Variants in SQSTM1 observed in about 807,000 individuals in gnomAD.
SQSTM1 encodes the protein sequestosome 1.
SQSTM1 carries 36 observed loss-of-function variants against 45.1 expected under a neutral mutation model. The observed-to-expected ratio is 0.80, with a 90% CI of 0.61 to 1.05. The LOEUF (loss-of-function observed/expected upper bound fraction) is 1.05. Among genes scored for constraint, SQSTM1 ranks in the 50% least tolerant of loss-of-function variants. SQSTM1 has a pLI of 0.00. For synonymous variants in SQSTM1, 290 were observed against 244.3 expected, an observed-to-expected ratio of 1.19 and a Z score of -1.74; for missense variants, 617 against 607.1, an observed-to-expected ratio of 1.02 and a Z score of -0.17.
At chr5:179,822,613 C>T (rs572311568) in intron 1 of SQSTM1, 37 of 362,886 alleles carry the variant, frequency 1.0e-4, no homozygotes, top group African/African-American at 5.5e-4. Context: ...CAGTTGAAGA[C>T]GGACATGGGC....
Position 179,836,439 on chromosome 5 carries a change from C to G in SQSTM1, c.1169C>G (p.Ala390Gly). The change falls in exon 8 of 8, where the codon GCT becomes GGT. Residue 390 changes from alanine to glycine, a missense_variant. By Grantham distance (60) the Ala-to-Gly change is moderately conservative (BLOSUM62 0). Coordinates refer to ENST00000389805, the MANE Select transcript of SQSTM1 (RefSeq NM_003900.5). ...AALYPHLPPE[A>G]DPRLIESLSQ... is the part of the protein sequence containing the mutation. Reference sequence around the variant, plus strand: ...GGCTTCCTTACTGTTTCGGCAGAGGCTGACCCGCGGCTGATTGAGTCCCTC... The same window carrying G: ...GGCTTCCTTACTGTTTCGGCAGAGGGTGACCCGCGGCTGATTGAGTCCCTC... 1.9e-6 allele frequency: 3 copies of G among 1,614,188 alleles called. No individual in the cohort carries two copies. The highest frequency in any genetic ancestry group is 1.7e-6 in the Non-Finnish European group (2 of 1,180,022).
chr5:179,820,796 C>T, upstream of SQSTM1: 1 of 807,780 alleles, frequency 1.2e-6, no homozygotes, highest in Non-Finnish European at 1.8e-6. Flanking sequence ...GGCTCTCGCG[C>T]CGCGACGACG....
At chr5:179,821,869 A>G (rs1757795602) in intron 1 of SQSTM1, among the ~76,000 whole-genome samples, 1 of 152,054 alleles carries the variant, frequency 6.6e-6, no homozygotes. Context: ...GAGGTGGCCA[A>G]GGCCGGCCCC....
Position 179,837,992 on chromosome 5 carries a change from T to C in SQSTM1, c.*1399T>C. On this transcript the variant is annotated 3_prime_UTR_variant, in exon 8 of 8. Coordinates refer to ENST00000389805, the MANE Select transcript of SQSTM1 (RefSeq NM_003900.5). ...GGCTGGGCCTCTGGTTCTGACACTT[T>C]CTGCTGGAAGCTGTCAGGCTGGGAC... 9.3e-7 allele frequency: 1 copy of C among 1,079,504 alleles called. No homozygotes were observed. Among genetic ancestry groups the C allele is most frequent in the East Asian group, 2.4e-5 (1 of 40,832 alleles). The allele number at this position is 1,079,504 out of a possible 1,614,324, so 66.9% of individuals were successfully genotyped here.
chr5:179,810,425 TC>T (rs1361236936), intron 1 of SQSTM1, among the ~76,000 whole-genome samples: 1 of 152,220 alleles, frequency 6.6e-6, no homozygotes, highest in Non-Finnish European at 1.5e-5. Flanking sequence ...TTCATCCGTG[TC>T]CCTACAAAGG....
rs74523483 is a variant in SQSTM1 at position 179,820,912 on chromosome 5, G to A, written c.-25G>A. 3,375 of 1,498,294 alleles carry A rather than the reference G, an allele frequency of 2.3e-3. 77 individuals carry two copies. In the African/African-American group the frequency reaches 0.044, roughly 19 times the overall value. 92.8% of individuals were successfully genotyped at this position (1,498,294 alleles called of 1,614,324 possible). A position where few individuals can be genotyped will look rare whatever the true frequency, so the allele number is the denominator to read the frequency against. ...GCGGCGGCTGCGACCGGGACGGCCC[G>A]TTTTCCGCCAGCTCGCCGCTCGCTA... On this transcript the variant is annotated 5_prime_UTR_variant, in exon 1 of 8. Transcript: ENST00000389805.
Position 179,821,383 on chromosome 5 carries a change from G to T in SQSTM1, c.205+242G>T, listed in dbSNP as rs1757770077. ...TCAGCGTCGGCCCCCTGGGGCGGTG[G>T]AGCCCTGCCGGCCGGGGGCTCGAGC... On this transcript the variant is annotated intron_variant, in intron 1 of 7. Transcript: ENST00000389805. Among the ~76,000 whole-genome samples, 5 of 152,228 alleles carry T rather than the reference G, an allele frequency of 3.3e-5. No individual in the cohort carries two copies. In the South Asian group the frequency reaches 1.0e-3, roughly 32 times the overall value.
In SQSTM1 at chr5:179,823,800, C is replaced by T. The variant is rs114761223; in HGVS notation, c.302-58C>T. The T allele has an allele frequency of 3.3e-3, 5,139 of 1,574,312 alleles. 177 individuals are homozygous for T. In the African/African-American group the frequency reaches 0.063, roughly 19 times the overall value. On this transcript the variant is annotated intron_variant, in intron 2 of 7. Transcript: ENST00000389805. Reference sequence around the variant, plus strand: ...GGCAGTGACAGCCCCACAGTGACGACAGAGGGGGAGGACTTTAGGGGGTCC... The same window carrying T: ...GGCAGTGACAGCCCCACAGTGACGATAGAGGGGGAGGACTTTAGGGGGTCC...
chr5:179,836,434 A>G lies in SQSTM1; in HGVS notation c.1166-2A>G. 2.5e-6 allele frequency: 4 copies of G among 1,614,202 alleles called. No homozygotes were observed. Among genetic ancestry groups the G allele is most frequent in the Non-Finnish European group, 3.4e-6 (4 of 1,180,038 alleles). ...CTCATGGCTTCCTTACTGTTTCGGC[A>G]GAGGCTGACCCGCGGCTGATTGAGT... On this transcript the variant is annotated splice_acceptor_variant, in intron 7 of 7. Transcript: ENST00000389805. LOFTEE classifies it high-confidence loss of function.
intron 1 of SQSTM1, among the ~76,000 whole-genome samples, chr5:179,810,138 C>T (rs554758373): frequency 1.3e-5 from 2 of 151,846 alleles, no homozygotes; most frequent in Admixed American, 6.6e-5. Context: ...TTTTATTTTA[C>T]TTTAAGTTCT....
In SQSTM1 at chr5:179,836,380, C is replaced by T. The variant is rs369369096; in HGVS notation, c.1166-56C>T. 3.5e-5 allele frequency: 57 copies of T among 1,612,706 alleles called. No individual in the cohort carries two copies. In the East Asian group the frequency reaches 4.2e-4, roughly 12 times the overall value. Reference sequence around the variant, plus strand: ...GGCCAAGGCAGCAGGGTATGTGTTTCGGGTCACTCACAGGGCTCAGCACCA... The same window carrying T: ...GGCCAAGGCAGCAGGGTATGTGTTTTGGGTCACTCACAGGGCTCAGCACCA... On this transcript the variant is annotated intron_variant, in intron 7 of 7. Coordinates refer to ENST00000389805, the MANE Select transcript of SQSTM1 (RefSeq NM_003900.5).
intron 5 of SQSTM1, among the ~76,000 whole-genome samples, chr5:179,828,181 C>A (rs1348101595): frequency 6.6e-6 from 1 of 152,176 alleles, no homozygotes; most frequent in Non-Finnish European, 1.5e-5. Flanking sequence ...GTAGCCTGTC[C>A]AGTCTTACGA....
At chr5:179,810,922 A>G (rs1179289567) in intron 1 of SQSTM1, among the ~76,000 whole-genome samples, 1 of 152,146 alleles carries the variant, frequency 6.6e-6, no homozygotes. Flanking sequence ...TAAGGAAAAA[A>G]AAAAAGTGAC....
At chr5:179,823,519 T>A (rs1757870012) in intron 2 of SQSTM1, 1 of 314,870 alleles carries the variant, frequency 3.2e-6, no homozygotes, top group Non-Finnish European at 5.7e-6. Context: ...GAAAGAGGAG[T>A]CCATGTTCAC....
chr5:179,831,137 G>A (rs897508184), intron 5 of SQSTM1, among the ~76,000 whole-genome samples: 2 of 152,200 alleles, frequency 1.3e-5, no homozygotes, highest in East Asian at 1.9e-4. Flanking sequence ...AAGCACAGAG[G>A]TATTAGGAAA....
Position 179,833,032 on chromosome 5 carries a change from G to A in SQSTM1, c.755G>A (p.Gly252Asp), listed in dbSNP as rs1758310449. The change falls in exon 6 of 8, where the codon GGC (glycine) becomes GAC (aspartate). Residue 252 changes from glycine to aspartate, a missense_variant and splice_region_variant. By Grantham distance (94) the Gly-to-Asp change is moderately conservative (BLOSUM62 -1). Coordinates refer to ENST00000389805, the MANE Select transcript of SQSTM1 (RefSeq NM_003900.5). ...ESVAAALSPL[G>D]IEVDIDVEHG... ...TTGCTCTTTCCTCCTCCGCCTCTAG[G>A]CATTGAAGTTGATATCGATGTGGAG... The A allele has an allele frequency of 6.2e-7, 1 of 1,614,108 alleles. No individual in the cohort carries two copies. The highest frequency in any genetic ancestry group is 8.5e-7 in the Non-Finnish European group (1 of 1,180,002).
rs2113512674 is a variant in SQSTM1 at position 179,833,667 on chromosome 5, A to C, written c.1050A>C (p.Thr350=). 7.4e-6 allele frequency: 12 copies of C among 1,614,162 alleles called. No homozygotes were observed. Among genetic ancestry groups the C allele is most frequent in the African/African-American group, 1.3e-5 (1 of 75,040 alleles). Residue 350 remains threonine (T), a synonymous_variant, in exon 7 of 8, where the codon ACA becomes ACC. Transcript: ENST00000389805. ...CTTCAAAAGAAGTGGACCCGTCTACAGGTGAACTCCAGTCCCTACAGATGC... is the reference window on the plus strand; with the variant it reads ...CTTCAAAAGAAGTGGACCCGTCTACCGGTGAACTCCAGTCCCTACAGATGC... ...HLSSKEVDPS[T]GELQSLQMPE...
chr5:179,823,710 C>A, intron 2 of SQSTM1, 148 bp from the exon 3 acceptor site: 1 of 816,532 alleles, frequency 1.2e-6, no homozygotes, highest in Non-Finnish European at 1.9e-6. Flanking sequence ...GGCTCTGCTG[C>A]CCTCACCTAA....
intron 2 of SQSTM1, chr5:179,812,481 G>C (rs924368284): frequency 6.6e-6 from 1 of 152,260 alleles, no homozygotes; most frequent in Non-Finnish European, 1.5e-5. Context: ...CTCCGCAGGC[G>C]CTGGCATCTC....
Sources: allele counts gnomAD v4.1 joint callset (sites outside exome capture counted in the v4.1 genomes callset), GRCh38; gene constraint gnomAD v4.1.1; transcripts MANE v1.5; gene names NCBI Gene and HGNC (gene_info 2026-07-23, HGNC 2026-07-21).